Variants in LMNTD1 observed in about 807,000 individuals in gnomAD.
LMNTD1 encodes lamin tail domain-containing protein 1.
In LMNTD1, 35 loss-of-function variants were observed where a neutral mutation model predicts 50.9. That is an observed-to-expected ratio of 0.69 (90% CI 0.53 to 0.91). LMNTD1 has a LOEUF of 0.91. LMNTD1 is among the 40% of genes least tolerant of loss of function. The probability of loss-of-function intolerance (pLI) is 0.00; values close to 1 mark genes in which losing one functional copy is unlikely to be tolerated. For synonymous variants in LMNTD1, 153 were observed against 161.9 expected, an observed-to-expected ratio of 0.94 and a Z score of 0.42; for missense variants, 470 against 475.5, an observed-to-expected ratio of 0.99 and a Z score of 0.11.
At chr12:25,627,487 G>A (rs1811908032) in intron 1 of LMNTD1, among the ~76,000 whole-genome samples, 1 of 152,148 alleles carries the variant, frequency 6.6e-6, no homozygotes, top group Admixed American at 6.5e-5. Context: ...TGTCCTTCAG[G>A]TGCTGGGGGA....
intron 9 of LMNTD1, among the ~76,000 whole-genome samples, chr12:25,480,647 T>C (rs1315609436): frequency 2.6e-5 from 4 of 152,208 alleles, no homozygotes. Context: ...TAAAATCCTT[T>C]CCAGAATTGA....
chr12:25,558,701 AG>A (rs1352932996), intron 1 of LMNTD1, among the ~76,000 whole-genome samples: 1 of 152,192 alleles, frequency 6.6e-6, no homozygotes, highest in Non-Finnish European at 1.5e-5. Context: ...GGAAGGGCAA[AG>A]GGTTGTCTCA....
chr12:25,500,020 C>T (rs1034683291), intron 9 of LMNTD1: 9 of 151,888 alleles, frequency 5.9e-5, no homozygotes, highest in Non-Finnish European at 1.2e-4. Flanking sequence ...AACAGGGTAA[C>T]TAACAAGAAG....
At chr12:25,635,438 A>G (rs1946810843) in intron 1 of LMNTD1, among the ~76,000 whole-genome samples, 1 of 152,172 alleles carries the variant, frequency 6.6e-6, no homozygotes, top group Non-Finnish European at 1.5e-5. Flanking sequence ...AGGAATTGAA[A>G]GACCTCTACA....
intron 1 of LMNTD1, among the ~76,000 whole-genome samples, chr12:25,634,114 C>A (rs149502214): frequency 3.1e-4 from 47 of 152,122 alleles, no homozygotes; most frequent in Non-Finnish European, 5.0e-4. Flanking sequence ...AAAATACAAC[C>A]CTTCTAGCTT....
chr12:25,574,576 C>CATA (rs892949646), intron 1 of LMNTD1, among the ~76,000 whole-genome samples: 2 of 152,134 alleles, frequency 1.3e-5, no homozygotes, highest in African/African-American at 4.8e-5. Flanking sequence ...TCATCTCTTT[C>CATA]ATAAAGTATT....
At chr12:25,633,271 G>T (rs545150773) in intron 1 of LMNTD1, among the ~76,000 whole-genome samples, 32 of 152,116 alleles carry the variant, frequency 2.1e-4, no homozygotes, top group African/African-American at 7.2e-4. Context: ...AGATCATCAA[G>T]ACAGAAAGTC....
At chr12:25,593,425 T>C (rs1302935094) in intron 1 of LMNTD1, among the ~76,000 whole-genome samples, 1 of 152,122 alleles carries the variant, frequency 6.6e-6, no homozygotes, top group Non-Finnish European at 1.5e-5. Flanking sequence ...TGGAGCCTTG[T>C]AGATTTGCTG....
intron 3 of LMNTD1, among the ~76,000 whole-genome samples, chr12:25,548,009 A>G (rs981438065): frequency 6.6e-6 from 1 of 151,960 alleles, no homozygotes; most frequent in Middle Eastern, 3.4e-3. Flanking sequence ...ACCCAAATAT[A>G]GAACATATGC....
intron 1 of LMNTD1, among the ~76,000 whole-genome samples, chr12:25,596,408 G>A (rs1169895881): frequency 6.6e-6 from 1 of 152,022 alleles, no homozygotes; most frequent in Non-Finnish European, 1.5e-5. Flanking sequence ...CAGGGATACA[G>A]GGATGATTTA....
chr12:25,620,034 T>C (rs1946438676), intron 1 of LMNTD1, among the ~76,000 whole-genome samples: 2 of 152,230 alleles, frequency 1.3e-5, no homozygotes, highest in Non-Finnish European at 2.9e-5. Flanking sequence ...TATACATATG[T>C]GACCATGTTA....
intron 1 of LMNTD1, among the ~76,000 whole-genome samples, chr12:25,568,442 T>G (rs1944649510): frequency 6.6e-6 from 1 of 152,222 alleles, no homozygotes; most frequent in Non-Finnish European, 1.5e-5. Flanking sequence ...AAGCCCATTT[T>G]CAGGGGAAGA....
chr12:25,647,872 T>TG (rs1475641641), intron 1 of LMNTD1, among the ~76,000 whole-genome samples: 15 of 152,218 alleles, frequency 9.9e-5, no homozygotes, highest in African/African-American at 3.6e-4. Flanking sequence ...AACTGTCAAA[T>TG]AACGTTCAAA....
rs556052421 is a variant in LMNTD1 at position 25,504,244 on chromosome 12, T to C, written c.1190-444A>G. Among the ~76,000 whole-genome samples the C allele has an allele frequency of 2.0e-5, 3 of 151,974 alleles. No homozygotes were observed. The East Asian group carries it at 5.8e-4, about 29-fold the overall frequency. ...CGACAAAGTAGCTAGGGGAGGGAGG[T>C]CCAGCAATTGGCTGCATCAGGAGGG... On this transcript the variant is annotated intron_variant, in intron 8 of 9. Coordinates refer to ENST00000458174, the MANE Select transcript of LMNTD1 (RefSeq NM_001145728.2).
At chr12:25,624,777 T>G (rs754215786) in intron 1 of LMNTD1, among the ~76,000 whole-genome samples, 2 of 152,236 alleles carry the variant, frequency 1.3e-5, no homozygotes, top group African/African-American at 4.8e-5. Context: ...ATTAATTACA[T>G]TTAACCATAT....
intron 1 of LMNTD1, among the ~76,000 whole-genome samples, chr12:25,595,905 A>C (rs1213048526): frequency 6.6e-6 from 1 of 152,154 alleles, no homozygotes; most frequent in Non-Finnish European, 1.5e-5. Context: ...GAAATGGGAG[A>C]TATTATAAAT....
intron 4 of LMNTD1, among the ~76,000 whole-genome samples, chr12:25,545,227 G>C (rs1451627116): frequency 6.6e-6 from 1 of 151,588 alleles, no homozygotes; most frequent in Non-Finnish European, 1.5e-5. Flanking sequence ...AGCTTGGCTG[G>C]ATACACTATT....
chr12:25,567,992 A>G (rs1345168610), intron 1 of LMNTD1, among the ~76,000 whole-genome samples: 1 of 152,108 alleles, frequency 6.6e-6, no homozygotes, highest in African/African-American at 2.4e-5. Flanking sequence ...CAGAGGTTAG[A>G]GGGGTTTGGA....
chr12:25,503,877 A>T, intron 8 of LMNTD1, 77 bp from the exon 9 acceptor site: 1 of 718,532 alleles, frequency 1.4e-6, no homozygotes, highest in Non-Finnish European at 2.3e-6. Context: ...CAGTATTCCA[A>T]GTATTGATTT....
Sources: allele counts gnomAD v4.1 joint callset (sites outside exome capture counted in the v4.1 genomes callset), GRCh38; gene constraint gnomAD v4.1.1; transcripts MANE v1.5; gene names NCBI Gene and HGNC (gene_info 2026-07-23, HGNC 2026-07-21).